C10orf105: variants seen among roughly 807,000 people sequenced by gnomAD.
C10orf105 encodes uncharacterized protein C10orf105.
A neutral mutation model predicts 0.6 loss-of-function variants in C10orf105; 2 were observed. That is an observed-to-expected ratio of 3.18 (90% CI 1.30 to 10.01). C10orf105 has a LOEUF of 10.01. Among genes scored for constraint, C10orf105 ranks in the 30% most tolerant of loss-of-function variants. The pLI is 0.04. For missense variants in C10orf105, 209 were observed against 191.4 expected, an observed-to-expected ratio of 1.09 and a Z score of -0.54; for synonymous variants, 95 against 82.4, an observed-to-expected ratio of 1.15 and a Z score of -0.83.
At chr10:71,734,491 C>T in intron 1 of C10orf105, 1 of 1,544,626 alleles carries the variant, frequency 6.5e-7, no homozygotes, top group South Asian at 1.2e-5. Flanking sequence ...TCCAGCCATG[C>T]CACACCTTCC....
In C10orf105 at chr10:71,713,326, T is replaced by C. The variant is rs748170142; in HGVS notation, c.*2610A>G. 8 of 777,376 alleles carry C rather than the reference T, an allele frequency of 1.0e-5. No individual in the cohort carries two copies. The highest frequency in any genetic ancestry group is 4.0e-5 in the South Asian group (3 of 74,282). The allele number at this position is 777,376 out of a possible 1,614,324, so 48.2% of individuals were successfully genotyped here. A position where few individuals can be genotyped will look rare whatever the true frequency, so the allele number is the denominator to read the frequency against. ...GAGAAGGGAGGACCCTGAAAACAAT[T>C]TGGGTGTGCACCCACACCTCTGCCC... is the stretch of plus-strand genomic sequence containing the variant. On this transcript the variant is annotated 3_prime_UTR_variant, in exon 2 of 2. Coordinates refer to ENST00000441508, the MANE Select transcript of C10orf105 (RefSeq NM_001164375.3).
chr10:71,732,109 A>T (rs939325167), intron 1 of C10orf105: 1 of 1,614,038 alleles, frequency 6.2e-7, no homozygotes, highest in South Asian at 1.1e-5. Flanking sequence ...GACCAGCTAC[A>T]TGATGAATGT....
chr10:71,716,505 C>G (rs576860560), intron 1 of C10orf105, 163 bp from the exon 2 acceptor site: 1 of 577,002 alleles, frequency 1.7e-6, no homozygotes, highest in Non-Finnish European at 3.0e-6. Flanking sequence ...CCAGAGACAT[C>G]ACAAGTCTAA....
At chr10:71,724,035 T>C (rs1212458413), upstream of C10orf105, 1 of 1,555,974 alleles carries the variant, frequency 6.4e-7, no homozygotes, top group Admixed American at 1.9e-5. Context: ...CGTGTCTCAT[T>C]CTTCCTCAGC....
Position 71,712,424 on chromosome 10 carries a change from C to T in C10orf105, c.*3512G>A, listed in dbSNP as rs776670068. On this transcript the variant is annotated 3_prime_UTR_variant, in exon 2 of 2. Coordinates refer to ENST00000441508, the MANE Select transcript of C10orf105 (RefSeq NM_001164375.3). The stretch of plus-strand genomic sequence containing the variant: ...GGGGATGACAGTAAAGTGTCTGCTT[C>T]ATGGGGTTGCTGTGAGGACTGAATG... 1.9e-4 allele frequency: 91 copies of T among 488,616 alleles called. 2 individuals are homozygous for T. The Middle Eastern group carries it at 6.5e-3, about 35-fold the overall frequency. The allele number at this position is 488,616 out of a possible 1,614,324, so 30.3% of individuals were successfully genotyped here. A position where few individuals can be genotyped will look rare whatever the true frequency, so the allele number is the denominator to read the frequency against.
At position 71,734,786 on chromosome 10, in the gene C10orf105, C is replaced by G. The variant is rs1177780605; in HGVS notation, c.-6+2942G>C. 20 of 562,062 alleles carry G rather than the reference C, an allele frequency of 3.6e-5. No homozygotes were observed. In the East Asian group the frequency reaches 1.1e-3, roughly 31 times the overall value. 34.8% of individuals were successfully genotyped at this position (562,062 alleles called of 1,614,324 possible). On this transcript the variant is annotated intron_variant, in intron 1 of 1. Transcript: ENST00000398786. ...GCACGTGGACAGGCCTGCAGCAGGC[C>G]CCCTCCCAGTGCCTCCACTCTCACA... is the stretch of plus-strand genomic sequence containing the variant.
intron 1 of C10orf105, among the ~76,000 whole-genome samples, chr10:71,735,687 AAC>A (rs2132835263): frequency 6.6e-6 from 1 of 152,336 alleles, no homozygotes; most frequent in South Asian, 2.1e-4. Context: ...CCAAGAGCCA[AAC>A]ACAATTTCTT....
At chr10:71,718,406 C>A (rs564130754) in intron 1 of C10orf105, among the ~76,000 whole-genome samples, 3 of 149,702 alleles carry the variant, frequency 2.0e-5, no homozygotes, top group South Asian at 2.2e-4. Context: ...CAGAAAACGA[C>A]CCCTCCCAGT....
intron 1 of C10orf105, chr10:71,737,583 T>A: frequency 2.3e-6 from 1 of 426,022 alleles, no homozygotes; most frequent in Non-Finnish European, 4.8e-6. Flanking sequence ...CAGCAGGACC[T>A]GGGAGCCCCT....
At chr10:71,732,632 C>A (rs1839430421) in intron 1 of C10orf105, 10 of 1,397,566 alleles carry the variant, frequency 7.2e-6, no homozygotes, top group Non-Finnish European at 9.3e-6. Flanking sequence ...GACCTTGTCT[C>A]TTACAAAGAA....
At chr10:71,730,593 A>G (rs1027230842) in intron 1 of C10orf105, 1 of 1,613,838 alleles carries the variant, frequency 6.2e-7, no homozygotes, top group Non-Finnish European at 8.5e-7. Context: ...CAAGCCACAG[A>G]CCGAGACTCT....
In C10orf105 at chr10:71,712,478, T is replaced by TA. The variant is rs1866012470; in HGVS notation, c.*3457dup. On this transcript the variant is annotated 3_prime_UTR_variant, in exon 2 of 2. Coordinates refer to ENST00000441508, the MANE Select transcript of C10orf105 (RefSeq NM_001164375.3). ...TAGAAGAATGGCTGGCACATGGTGT[T>TA]ATCTAAGTATTTGATACTGTTAGTG... 1 of 604,982 alleles carries TA rather than the reference T, an allele frequency of 1.7e-6. No homozygotes were observed. 37.5% of individuals were successfully genotyped at this position (604,982 alleles called of 1,614,324 possible). A position where few individuals can be genotyped will look rare whatever the true frequency, so the allele number is the denominator to read the frequency against.
upstream of C10orf105, among the ~76,000 whole-genome samples, chr10:71,721,852 C>T (rs1866572652): frequency 6.6e-6 from 1 of 152,240 alleles, no homozygotes; most frequent in South Asian, 2.1e-4. Context: ...GAGCCCTTCA[C>T]TCCAGACTGG....
In C10orf105 at chr10:71,734,646, C is replaced by T. The variant is rs570760720; in HGVS notation, c.-6+3082G>A. On this transcript the variant is annotated intron_variant, in intron 1 of 1. Coordinates refer to the C10orf105 transcript ENST00000398786. ...TCTCACTCCCCTCCTGCTGCTGCCT[C>T]TGCCTACAGAAGGTGAGTAGCCTGT... 1 of 1,486,238 alleles carries T rather than the reference C, an allele frequency of 6.7e-7. No homozygotes were observed. The highest frequency in any genetic ancestry group is 3.0e-5 in the East Asian group (1 of 33,504). 92.1% of individuals were successfully genotyped at this position (1,486,238 alleles called of 1,614,324 possible). A position where few individuals can be genotyped will look rare whatever the true frequency, so the allele number is the denominator to read the frequency against.
rs1482006851 is a variant in C10orf105 at position 71,711,803 on chromosome 10, C to T, written c.*4133G>A. 6.6e-6 allele frequency: 1 copy of T among 152,070 alleles called. No individual in the cohort carries two copies. The highest frequency in any genetic ancestry group is 1.5e-5 in the Non-Finnish European group (1 of 68,008). 9.4% of individuals were successfully genotyped at this position (152,070 alleles called of 1,614,324 possible). On this transcript the variant is annotated 3_prime_UTR_variant, in exon 2 of 2. Coordinates refer to ENST00000441508, the MANE Select transcript of C10orf105 (RefSeq NM_001164375.3). Reference sequence around the variant, plus strand: ...TCTCTGGGCCCACATTCTGCCTGTCCGCTGTGGACTGGAGTGGAGGACAGC... The same window carrying T: ...TCTCTGGGCCCACATTCTGCCTGTCTGCTGTGGACTGGAGTGGAGGACAGC...
At chr10:71,718,225 G>T (rs1308202491) in intron 1 of C10orf105, among the ~76,000 whole-genome samples, 2 of 152,178 alleles carry the variant, frequency 1.3e-5, no homozygotes, top group Non-Finnish European at 1.5e-5. Context: ...GTAGTGGGGA[G>T]GGGAGTGGGC....
Position 71,713,372 on chromosome 10 carries a change from G to A in C10orf105, c.*2564C>T, listed in dbSNP as rs772109311. On this transcript the variant is annotated 3_prime_UTR_variant, in exon 2 of 2. Coordinates refer to ENST00000441508, the MANE Select transcript of C10orf105 (RefSeq NM_001164375.3). ...TGCCCAGAGGCCTCAGTTGCTGGGT[G>A]GGGAGGGAGGCCCGGAGTGAATGAG... The A allele has an allele frequency of 3.3e-5, 24 of 737,708 alleles. No homozygotes were observed. The highest frequency in any genetic ancestry group is 5.3e-5 in the Non-Finnish European group (21 of 399,052). 45.7% of individuals were successfully genotyped at this position (737,708 alleles called of 1,614,324 possible).
At chr10:71,735,419 A>G (rs1342858112) in intron 1 of C10orf105, among the ~76,000 whole-genome samples, 1 of 152,032 alleles carries the variant, frequency 6.6e-6, no homozygotes, top group Non-Finnish European at 1.5e-5. Context: ...CAGGCAGGGG[A>G]GCTCATGCTG....
rs1227552927 is a variant in C10orf105, at chr10:71,711,822, G to A, written c.*4114C>T. ...CCTGTCCGCTGTGGACTGGAGTGGA[G>A]GACAGCTGCCCTTCCAGCGGGGCCC... On this transcript the variant is annotated 3_prime_UTR_variant, in exon 2 of 2. Transcript: ENST00000441508. 6.6e-6 allele frequency: 1 copy of A among 152,106 alleles called. No individual in the cohort carries two copies. The allele number at this position is 152,106 out of a possible 1,614,324, so 9.4% of individuals were successfully genotyped here.
Sources: allele counts gnomAD v4.1 joint callset (sites outside exome capture counted in the v4.1 genomes callset), GRCh38; gene constraint gnomAD v4.1.1; transcripts MANE v1.5; gene names NCBI Gene and HGNC (gene_info 2026-07-23, HGNC 2026-07-21).